LAMA4: variants seen among roughly 807,000 people sequenced by gnomAD.
LAMA4 encodes the protein laminin subunit alpha-4.
Under a neutral mutation model 207.1 loss-of-function variants are expected in LAMA4, and 127 were observed. That is an observed-to-expected ratio of 0.61 (90% confidence interval 0.53 to 0.71). LAMA4 has a LOEUF of 0.71. LAMA4 is among the 30% of genes least tolerant of loss of function. The pLI is 0.00. For synonymous variants in LAMA4, 761 were observed against 816.0 expected, an observed-to-expected ratio of 0.93 and a Z score of 1.15; for missense variants, 2,093 against 2,246.5, an observed-to-expected ratio of 0.93 and a Z score of 1.38.
intron 32 of LAMA4, among the ~76,000 whole-genome samples, chr6:112,120,884 C>A (rs1241113664): frequency 2.6e-5 from 4 of 151,892 alleles, no homozygotes; most frequent in African/African-American, 9.7e-5. Context: ...CCAGCTTGGG[C>A]AACATAGTGG....
At chr6:112,251,046 C>A (rs1005804620) in intron 2 of LAMA4, among the ~76,000 whole-genome samples, 1 of 152,154 alleles carries the variant, frequency 6.6e-6, no homozygotes, top group East Asian at 1.9e-4. Context: ...TGTTGAGAAT[C>A]ACTGTTCTCA....
At chr6:112,205,019 T>C (rs1479083068) in intron 4 of LAMA4, among the ~76,000 whole-genome samples, 1 of 152,194 alleles carries the variant, frequency 6.6e-6, no homozygotes, top group African/African-American at 2.4e-5. Context: ...CTGATTGCCA[T>C]CTGTCTTTTT....
intron 16 of LAMA4, among the ~76,000 whole-genome samples, chr6:112,151,116 G>A (rs1780375228): frequency 2.2e-5 from 3 of 137,000 alleles, no homozygotes; most frequent in South Asian, 2.4e-4. Context: ...AAACATAACC[G>A]GCATCCAAGT....
In LAMA4 at chr6:112,192,314, C is replaced by T. The variant is rs1249887402; in HGVS notation, c.504-464G>A. 5.3e-5 allele frequency among the ~76,000 whole-genome samples: 8 copies of T among 152,258 alleles called. No individual in the cohort carries two copies. The East Asian group carries it at 1.5e-3, about 29-fold the overall frequency. ...TAACTAAGCTTGAGCCATTCAGTGC[C>T]TGCTATTCTCCTGGCTGAAAGGGAT... On this transcript the variant is annotated intron_variant, in intron 5 of 38. Transcript: ENST00000230538.
intron 35 of LAMA4, among the ~76,000 whole-genome samples, 172 bp from the exon 36 acceptor site, chr6:112,116,165 G>C (rs936411888): frequency 6.6e-6 from 1 of 152,102 alleles, no homozygotes; most frequent in African/African-American, 2.4e-5. Context: ...AAGCTCTGTG[G>C]GGAACCAAGA....
intron 30 of LAMA4, among the ~76,000 whole-genome samples, chr6:112,129,523 A>G (rs557807287): frequency 2.6e-5 from 4 of 152,282 alleles, no homozygotes; most frequent in African/African-American, 9.6e-5. Context: ...AAGTACAAAA[A>G]TAATTGCATC....
At position 112,120,096 on chromosome 6, in the gene LAMA4, G is replaced by A. The variant is rs145387394; in HGVS notation, c.4665+187C>T. 4.3e-3 allele frequency among the ~76,000 whole-genome samples: 654 copies of A among 152,308 alleles called. 5 individuals carry two copies. Among genetic ancestry groups the A allele is most frequent in the African/African-American group, 0.015 (613 of 41,562 alleles). ...TGGTTTAAATAATTACGCTCAGCCT[G>A]TGTCTCTTTTTAAATAGTATGCTTC... On this transcript the variant is annotated intron_variant, in intron 33 of 38. Transcript: ENST00000230538.
At chr6:112,163,522 T>C (rs1781203297) in intron 13 of LAMA4, among the ~76,000 whole-genome samples, 1 of 151,556 alleles carries the variant, frequency 6.6e-6, no homozygotes, top group Non-Finnish European at 1.5e-5. Context: ...CGCCACCTGG[T>C]GTTTAGAGGA....
At chr6:112,134,734 C>T in intron 25 of LAMA4, 125 bp from the exon 26 acceptor site, 1 of 774,714 alleles carries the variant, frequency 1.3e-6, no homozygotes, top group Non-Finnish European at 2.1e-6. Context: ...CTTGTTTGTT[C>T]ACAAAATGGG....
At chr6:112,148,748 T>A (rs894454198) in intron 17 of LAMA4, among the ~76,000 whole-genome samples, 2 of 152,060 alleles carry the variant, frequency 1.3e-5, no homozygotes, top group African/African-American at 4.8e-5. Flanking sequence ...AGAGTTTTAG[T>A]AGTGAATTCC....
chr6:112,109,304 T>G lies in LAMA4; in HGVS notation c.*133A>C. The G allele has an allele frequency of 1.1e-6, 1 of 934,044 alleles. No individual in the cohort carries two copies. 57.9% of individuals were successfully genotyped at this position (934,044 alleles called of 1,614,324 possible). The stretch of plus-strand genomic sequence containing the variant: ...GAAATAAGAAATATCCGGTCCCTGA[T>G]GATTCGTTTAAGTCCTGTTCAACTC... On this transcript the variant is annotated 3_prime_UTR_variant, in exon 39 of 39. Coordinates refer to ENST00000230538, the MANE Select transcript of LAMA4 (RefSeq NM_001105206.3).
At chr6:112,240,309 T>C (rs1164366911) in intron 2 of LAMA4, among the ~76,000 whole-genome samples, 3 of 152,196 alleles carry the variant, frequency 2.0e-5, no homozygotes, top group Non-Finnish European at 2.9e-5. Flanking sequence ...TTATGTGGTA[T>C]GTGAGATGTT....
At chr6:112,171,415 C>T (rs868990987) in intron 12 of LAMA4, among the ~76,000 whole-genome samples, 10 of 151,644 alleles carry the variant, frequency 6.6e-5, no homozygotes, top group South Asian at 6.2e-4. Flanking sequence ...TTTGGAAGGA[C>T]GCAAGAATGG....
intron 2 of LAMA4, among the ~76,000 whole-genome samples, chr6:112,225,893 TA>T (rs1455379868): frequency 1.3e-5 from 2 of 152,220 alleles, no homozygotes; most frequent in African/African-American, 2.4e-5. Flanking sequence ...ATGGTGATAA[TA>T]AAAAGCAGAC....
Position 112,148,157 on chromosome 6 carries a change from C to T in LAMA4, c.2353G>A (p.Val785Ile), listed in dbSNP as rs1554334932. ...NTAVNSARDA[V>I]RNLTEVVPQL... The stretch of plus-strand genomic sequence containing the variant: ...AAATTGTGAAATTTCTAAGTGATAC[C>T]TGCATCCCTAGCAGAGTTCACTGCA... Residue 785 changes from valine (V) to isoleucine (I), a missense_variant and splice_region_variant, in exon 18 of 39, where the codon GTA becomes ATA. By Grantham distance (29) the Val-to-Ile change is conservative (BLOSUM62 3). Around this residue, in one of 3 missense-constraint regions of LAMA4, gnomAD observed 1,704 missense variants for 1,788.4 expected, o/e 0.95. Transcript: ENST00000230538. 1 of 1,613,206 alleles carries T rather than the reference C, an allele frequency of 6.2e-7. No homozygotes were observed. Among genetic ancestry groups the T allele is most frequent in the Non-Finnish European group, 8.5e-7 (1 of 1,179,160 alleles).
In LAMA4 at chr6:112,129,868, T is replaced by C; in HGVS notation, c.4133+8A>G. On this transcript the variant is annotated splice_region_variant and intron_variant, in intron 30 of 38. Coordinates refer to ENST00000230538, the MANE Select transcript of LAMA4 (RefSeq NM_001105206.3). ...CATGCAGATTCATTAATAATAAAAA[T>C]ATTATACCTGGTAAAGTAGGCATTA... is the stretch of plus-strand genomic sequence containing the variant. 1.3e-6 allele frequency: 2 copies of C among 1,552,842 alleles called. No homozygotes were observed. Among genetic ancestry groups the C allele is most frequent in the Non-Finnish European group, 1.8e-6 (2 of 1,140,886 alleles).
At position 112,140,869 on chromosome 6, in the gene LAMA4, G is replaced by A; in HGVS notation, c.2867C>T (p.Ala956Val). Residue 956 changes from alanine to valine, a missense_variant, in exon 22 of 39, where the codon GCA becomes GTA. Ala to Val is a moderately conservative substitution (Grantham distance 64). Coordinates refer to ENST00000230538, the MANE Select transcript of LAMA4 (RefSeq NM_001105206.3). ...FLTVPSLSST[A>V]EEKFIKKGEF... Reference sequence around the variant, plus strand: ...CCCCTTTTTAATGAACTTTTCCTCTGCTGTGCTACTTAGACTCGGGACTGT... The same window carrying A: ...CCCCTTTTTAATGAACTTTTCCTCTACTGTGCTACTTAGACTCGGGACTGT... 1 of 1,613,730 alleles carries A rather than the reference G, an allele frequency of 6.2e-7. No individual in the cohort carries two copies. Among genetic ancestry groups the A allele is most frequent in the Non-Finnish European group, 8.5e-7 (1 of 1,179,696 alleles).
At chr6:112,140,995 A>G in intron 21 of LAMA4, 73 bp from the exon 22 acceptor site, 1 of 1,310,000 alleles carries the variant, frequency 7.6e-7, no homozygotes, top group Non-Finnish European at 1.1e-6. Context: ...CAAAATGTTA[A>G]TGCTCCCTCA....
chr6:112,228,078 A>G (rs1021741135), intron 2 of LAMA4, among the ~76,000 whole-genome samples: 4 of 152,312 alleles, frequency 2.6e-5, no homozygotes, highest in East Asian at 3.9e-4. Flanking sequence ...CCAAACTCAG[A>G]CAGTCTTGCT....
Sources: allele counts gnomAD v4.1 joint callset (sites outside exome capture counted in the v4.1 genomes callset), GRCh38; gene constraint gnomAD v4.1.1; regional missense constraint gnomAD v4.1.1; transcripts MANE v1.5; gene names NCBI Gene and HGNC (gene_info 2026-07-23, HGNC 2026-07-21).